DUS1L: variants seen among roughly 807,000 people sequenced by gnomAD.
DUS1L encodes tRNA-dihydrouridine(16/17) synthase [NAD(P)(+)]-like.
Under a neutral mutation model 61.2 loss-of-function variants are expected in DUS1L, and 56 were observed. The ratio of observed to expected loss-of-function variants is 0.92; its 90% CI spans 0.74 to 1.14. The LOEUF (loss-of-function observed/expected upper bound fraction) is 1.14. Ranked by LOEUF, DUS1L falls within the 50% of genes most tolerant of loss-of-function variation. The pLI, the probability that DUS1L is intolerant of heterozygous loss-of-function variation, is 0.00. For synonymous variants in DUS1L, 278 were observed against 259.5 expected (o/e 1.07, Z -0.69); for missense variants, 630 against 632.4 (o/e 1.00, Z 0.04).
At chr17:82,059,678 T>C (rs1029069689) in intron 11 of DUS1L, 2 of 500,914 alleles carry the variant, frequency 4.0e-6, no homozygotes, top group Admixed American at 6.5e-5. Context: ...CCCTGAGCTG[T>C]AGACGAGCTT....
At position 82,058,831 on chromosome 17, in the gene DUS1L, C is replaced by G; in HGVS notation, c.1169-13G>C. 3.7e-6 allele frequency: 6 copies of G among 1,611,074 alleles called. No individual in the cohort carries two copies. The South Asian group carries it at 6.6e-5, about 18-fold the overall frequency. ...TTTGCATATTTTGCTAGGAAAAGAACAAAAGGGTGCTGGTGAGTGAGGGCC... is the reference window on the plus strand; with the variant it reads ...TTTGCATATTTTGCTAGGAAAAGAAGAAAAGGGTGCTGGTGAGTGAGGGCC... On this transcript the variant is annotated splice_polypyrimidine_tract_variant and intron_variant, in intron 11 of 13. Coordinates refer to ENST00000306796, the MANE Select transcript of DUS1L (RefSeq NM_022156.5).
At chr17:82,063,917 A>C (rs1292208455) in intron 3 of DUS1L, among the ~76,000 whole-genome samples, 1 of 152,208 alleles carries the variant, frequency 6.6e-6, no homozygotes, top group Admixed American at 6.5e-5. Context: ...CTGAGGGAAG[A>C]GAGAGCCAGT....
chr17:82,057,914 A>G lies in DUS1L; in HGVS notation c.*201T>C. Reference sequence around the variant, plus strand: ...AATGATTTATTGTTCACTTTTGCACACGCGTGCTGAGGACAGGGCAGGTCC... The same window carrying G: ...AATGATTTATTGTTCACTTTTGCACGCGCGTGCTGAGGACAGGGCAGGTCC... On this transcript the variant is annotated 3_prime_UTR_variant, in exon 14 of 14. Coordinates refer to ENST00000306796, the MANE Select transcript of DUS1L (RefSeq NM_022156.5). 2.1e-6 allele frequency: 1 copy of G among 483,892 alleles called. No homozygotes were observed. Among genetic ancestry groups the G allele is most frequent in the East Asian group, 3.4e-5 (1 of 29,176 alleles). The allele number at this position is 483,892 out of a possible 1,614,324, so 30.0% of individuals were successfully genotyped here. A position where few individuals can be genotyped will look rare whatever the true frequency, so the allele number is the denominator to read the frequency against.
rs776692588 is a variant in DUS1L, at chr17:82,058,739, C to G, written c.1206+42G>C. 25 of 1,612,630 alleles carry G rather than the reference C, an allele frequency of 1.6e-5. No homozygotes were observed. In the South Asian group the frequency reaches 2.2e-4, roughly 14 times the overall value. On this transcript the variant is annotated intron_variant, in intron 12 of 13. Coordinates refer to ENST00000306796, the MANE Select transcript of DUS1L (RefSeq NM_022156.5). ...GTGCAGAGACCACCCTGCCCACCCC[C>G]AAAGCTGAAGCCTTGGTGGCTTGCA... is the stretch of plus-strand genomic sequence containing the variant.
rs770587807 is a variant in DUS1L, at chr17:82,058,480, G to T, written c.1207-64C>A. On this transcript the variant is annotated intron_variant, in intron 12 of 13. Coordinates refer to ENST00000306796, the MANE Select transcript of DUS1L (RefSeq NM_022156.5). ...ACTCCCGGGGCCAGGCTGGCCAGCA[G>T]GGGAGCAGCCCCACTGGGGAAGCCT... 1.7e-5 allele frequency: 25 copies of T among 1,473,766 alleles called. No individual in the cohort carries two copies. In the South Asian group the frequency reaches 3.2e-4, roughly 19 times the overall value. 91.3% of individuals were successfully genotyped at this position (1,473,766 alleles called of 1,614,324 possible). A position where few individuals can be genotyped will look rare whatever the true frequency, so the allele number is the denominator to read the frequency against.
At chr17:82,061,417 C>T in intron 7 of DUS1L, 64 bp from the exon 8 acceptor site, 12 of 1,534,316 alleles carry the variant, frequency 7.8e-6, no homozygotes, top group Non-Finnish European at 1.1e-5. Context: ...CACAGGAAAG[C>T]CTGGGACACT....
chr17:82,059,041 CG>C (rs890605288), intron 11 of DUS1L: 2 of 574,782 alleles, frequency 3.5e-6, no homozygotes, highest in Non-Finnish European at 3.1e-6. Flanking sequence ...CTGCAGGAAA[CG>C]GATAGGAAGC....
chr17:82,062,084 G>A lies in DUS1L; in HGVS notation c.511-101C>T, dbSNP rs1046992057. ...CCCTCTGCCCCTACTCCACCCCTCCGAGCCCCCTCTGCCCCTCCCAGCCCT... is the reference window on the plus strand; with the variant it reads ...CCCTCTGCCCCTACTCCACCCCTCCAAGCCCCCTCTGCCCCTCCCAGCCCT... On this transcript the variant is annotated intron_variant, in intron 5 of 13. Transcript: ENST00000306796. The A allele has an allele frequency of 2.6e-5, 24 of 933,038 alleles. 1 individual carries two copies. Among genetic ancestry groups the A allele is most frequent in the Admixed American group, 8.5e-5 (2 of 23,428 alleles). 57.8% of individuals were successfully genotyped at this position (933,038 alleles called of 1,614,324 possible).
chr17:82,064,955 C>T lies in DUS1L; in HGVS notation c.105G>A (p.Leu35=), dbSNP rs1227463776. Residue 35 remains leucine, a synonymous_variant, in exon 2 of 14, where the codon CTG becomes CTA. Transcript: ENST00000306796. ...AGAGCTGTGCCCCGTGGCGCCGGCT[C>T]AGCAGCCTCCAGGCCAGCTCGCTCT... ...VDQSELAWRL[L]SRRHGAQLCY... 1 of 1,612,490 alleles carries T rather than the reference C, an allele frequency of 6.2e-7. No homozygotes were observed. The highest frequency in any genetic ancestry group is 1.7e-5 in the Admixed American group (1 of 60,006).
chr17:82,059,035 A>G, intron 11 of DUS1L: 1 of 583,092 alleles, frequency 1.7e-6, no homozygotes, highest in Non-Finnish European at 3.1e-6. Flanking sequence ...ACCATCCTGC[A>G]GGAAACGGAT....
chr17:82,060,180 G>A (rs1428901628), intron 10 of DUS1L, 87 bp from the exon 11 acceptor site: 5 of 1,502,600 alleles, frequency 3.3e-6, no homozygotes, highest in Non-Finnish European at 4.4e-6. Flanking sequence ...CTGGGTGAGG[G>A]GCCAGGCGGC....
intron 10 of DUS1L, 117 bp from the exon 11 acceptor site, chr17:82,060,210 GT>G (rs2033412822): frequency 6.6e-5 from 80 of 1,217,502 alleles, no homozygotes; most frequent in African/African-American, 3.2e-4. Flanking sequence ...TGCCGCTGCT[GT>G]GAGGAGTGCC....
Position 82,060,727 on chromosome 17 carries a change from C to A in DUS1L, c.996G>T (p.Trp332Cys). 1.2e-6 allele frequency: 2 copies of A among 1,612,992 alleles called. No individual in the cohort carries two copies. Among genetic ancestry groups the A allele is most frequent in the East Asian group, 2.2e-5 (1 of 44,868 alleles). ...AKPTGDLPFH[W>C]ICQPYIRPGP... ...CCGGCCGGATGTAGGGCTGGCAGAT[C>A]CAGTGGAAGGGCAAGTCGCCGGTGG... The change falls in exon 10 of 14, where the codon TGG (tryptophan) becomes TGT (cysteine). Residue 332 changes from tryptophan (W) to cysteine (C), a missense_variant. Transcript: ENST00000306796.
At position 82,061,939 on chromosome 17, in the gene DUS1L, C is replaced by G. The variant is rs1274629188; in HGVS notation, c.555G>C (p.Leu185=). The G allele has an allele frequency of 2.9e-5, 47 of 1,611,028 alleles. No homozygotes were observed. Among genetic ancestry groups the G allele is most frequent in the Non-Finnish European group, 3.1e-5 (36 of 1,178,936 alleles). ...TATGCTCCCAGGACGCTGCACCCGACAGGGGCCCCTTCTGCTCCTTGGTGC... is the reference window on the plus strand; with the variant it reads ...TATGCTCCCAGGACGCTGCACCCGAGAGGGGCCCCTTCTGCTCCTTGGTGC... ...HGRTKEQKGP[L]SGAASWEHIK... is the part of the protein sequence containing the mutation. Residue 185 remains leucine (L), a synonymous_variant, in exon 6 of 14, where the codon CTG becomes CTC. Transcript: ENST00000306796.
At chr17:82,063,589 C>T in intron 3 of DUS1L, 71 bp from the exon 4 acceptor site, 1 of 1,597,204 alleles carries the variant, frequency 6.3e-7, no homozygotes, top group Non-Finnish European at 8.6e-7. Context: ...TGCACCCCCT[C>T]TGCACCCTTT....
rs771972880 is a variant in DUS1L, at chr17:82,060,913, G to A, written c.891C>T (p.Thr297=). 16 of 1,611,180 alleles carry A rather than the reference G, an allele frequency of 9.9e-6. No individual in the cohort carries two copies. Among genetic ancestry groups the A allele is most frequent in the African/African-American group, 2.7e-5 (2 of 74,896 alleles). ...ELREELAKVK[T]LEGIAAVSQE... ...GGCTCACAGCAGCGATGCCCTCCAG[G>A]GTCTTCACCTTGGCCAGCTCCTCTC... Residue 297 remains threonine, a synonymous_variant, in exon 9 of 14, where the codon ACC becomes ACT. Transcript: ENST00000306796.
Position 82,060,774 on chromosome 17 carries a change from A to G in DUS1L, c.949T>C (p.Ser317Pro). The G allele has an allele frequency of 6.2e-7, 1 of 1,612,452 alleles. No homozygotes were observed. Among genetic ancestry groups the G allele is most frequent in the Non-Finnish European group, 8.5e-7 (1 of 1,179,690 alleles). Residue 317 changes from serine to proline, a missense_variant, in exon 10 of 14, where the codon TCC becomes CCC. Coordinates refer to ENST00000306796, the MANE Select transcript of DUS1L (RefSeq NM_022156.5). ...ELKLRCQEEI[S>P]RQEGAKPTGD... ...GTGGGCTTCGCTCCCTCCTGCCTGG[A>G]TATCTCCTCCTGCAAAAGCCCAAGG...
At chr17:82,058,873 G>A (rs1051959722) in intron 11 of DUS1L, 55 bp from the exon 12 acceptor site, 1 of 1,515,138 alleles carries the variant, frequency 6.6e-7, no homozygotes, top group African/African-American at 1.4e-5. Flanking sequence ...CCCTGGCTGT[G>A]GGGGCTGCCC....
At chr17:82,063,033 C>T (rs1376080774) in intron 4 of DUS1L, 60 bp from the exon 5 acceptor site, 10 of 1,445,560 alleles carry the variant, frequency 6.9e-6, no homozygotes, top group Non-Finnish European at 8.6e-6. Context: ...AGCGGCCAAG[C>T]CCCAGAGCCC....
Sources: allele counts gnomAD v4.1 joint callset (sites outside exome capture counted in the v4.1 genomes callset), GRCh38; gene constraint gnomAD v4.1.1; transcripts MANE v1.5; gene names NCBI Gene and HGNC (gene_info 2026-07-23, HGNC 2026-07-21).